ANK3: variants seen among roughly 807,000 people sequenced by gnomAD.
ANK3 encodes ankyrin-3.
In ANK3, 57 loss-of-function variants were observed where a neutral mutation model predicts 370.9. The observed-to-expected ratio is 0.15, with a 90% confidence interval of 0.12 to 0.19. The LOEUF is 0.19. Among genes scored for constraint, ANK3 ranks in the 10% least tolerant of loss-of-function variants. The pLI, the probability that ANK3 is intolerant of heterozygous loss-of-function variation, is 1.00. For missense variants in ANK3, 4,439 were observed against 5,302.1 expected (o/e 0.84, Z 5.06); for synonymous variants, 1,929 against 1,946.3 (o/e 0.99, Z 0.23).
chr10:60,250,790 G>A (rs2097651201), intron 7 of ANK3, among the ~76,000 whole-genome samples: 2 of 152,122 alleles, frequency 1.3e-5, no homozygotes, highest in South Asian at 4.1e-4. Context: ...AATGTCCAGA[G>A]TCCATTTCAA....
intron 1 of ANK3, among the ~76,000 whole-genome samples, chr10:60,678,902 T>A (rs932264567): frequency 2.0e-5 from 3 of 152,188 alleles, no homozygotes; most frequent in Non-Finnish European, 2.9e-5. Context: ...TACCTGGGAA[T>A]AGTCTCAGAT....
chr10:60,714,188 T>G (rs1204390285), intron 1 of ANK3, among the ~76,000 whole-genome samples: 2 of 152,110 alleles, frequency 1.3e-5, no homozygotes, highest in Non-Finnish European at 2.9e-5. Context: ...CTACTAAAGC[T>G]CAAATAAGGA....
intron 7 of ANK3, among the ~76,000 whole-genome samples, chr10:60,245,627 C>T (rs2097541279): frequency 6.6e-6 from 1 of 152,180 alleles, no homozygotes; most frequent in South Asian, 2.1e-4. Flanking sequence ...TGGCTTCTTT[C>T]ACTTAGCATG....
intron 1 of ANK3, among the ~76,000 whole-genome samples, chr10:60,372,639 T>C (rs1295777415): frequency 3.3e-5 from 5 of 152,188 alleles, no homozygotes; most frequent in African/African-American, 1.2e-4. Context: ...AAGCAGAGAC[T>C]GACAAAGCAT....
chr10:60,691,689 C>A (rs2079355629), intron 1 of ANK3, among the ~76,000 whole-genome samples: 1 of 152,220 alleles, frequency 6.6e-6, no homozygotes, highest in Admixed American at 6.5e-5. Context: ...GTCAATTATA[C>A]CTCTTGCATG....
chr10:60,061,871 C>T (rs1181593289), intron 40 of ANK3: 1 of 152,048 alleles, frequency 6.6e-6, no homozygotes, highest in Non-Finnish European at 1.5e-5. Flanking sequence ...AAGTTTGTGA[C>T]TCTTGTTAAT....
intron 32 of ANK3, 163 bp downstream of exon 32, chr10:60,084,439 A>C: frequency 2.6e-6 from 1 of 390,458 alleles, no homozygotes; most frequent in South Asian, 1.1e-4. Flanking sequence ...TTAAATTAAA[A>C]AAGATAAAAA....
Position 60,296,319 on chromosome 10 carries a change from T to C in ANK3, c.115-16680A>G, listed in dbSNP as rs1278572147. ...TGTGACAAATAAGCAACAAATTCCATTGCAAGTGATGCTGCCAAAAAGATA... is the reference window on the plus strand; with the variant it reads ...TGTGACAAATAAGCAACAAATTCCACTGCAAGTGATGCTGCCAAAAAGATA... On this transcript the variant is annotated intron_variant, in intron 1 of 43. Transcript: ENST00000280772. Among the ~76,000 whole-genome samples, 4 of 152,244 alleles carry C rather than the reference T, an allele frequency of 2.6e-5. No individual in the cohort carries two copies. The South Asian group carries it at 6.2e-4, about 24-fold the overall frequency.
At chr10:60,038,727 C>G (rs927834319) in intron 43 of ANK3, among the ~76,000 whole-genome samples, 54 of 152,066 alleles carry the variant, frequency 3.6e-4, no homozygotes, top group African/African-American at 1.3e-3. Flanking sequence ...TTGTGCCTAT[C>G]TTACCTACCA....
chr10:60,490,540 T>C (rs1470718192), intron 2 of ANK3, among the ~76,000 whole-genome samples: 2 of 152,200 alleles, frequency 1.3e-5, no homozygotes, highest in Non-Finnish European at 2.9e-5. Flanking sequence ...CATTTACAGC[T>C]ACACATCCTG....
intron 1 of ANK3, among the ~76,000 whole-genome samples, chr10:60,295,932 T>A (rs2132774708): frequency 1.3e-5 from 2 of 152,276 alleles, no homozygotes; most frequent in South Asian, 4.1e-4. Flanking sequence ...ATTGTTTTGG[T>A]TGAAGTAGGT....
intron 2 of ANK3, chr10:60,572,710 G>T (rs2077628708): frequency 7.2e-7 from 1 of 1,393,530 alleles, no homozygotes; most frequent in East Asian, 2.6e-5. Flanking sequence ...TGCTAATGTA[G>T]CCCTGTTCAG....
intron 1 of ANK3, among the ~76,000 whole-genome samples, chr10:60,731,792 A>G (rs909792030): frequency 2.0e-5 from 3 of 152,102 alleles, no homozygotes; most frequent in Admixed American, 1.3e-4. Context: ...GCCCTGACCT[A>G]CCCTCCTGGA....
chr10:60,720,162 A>G (rs2132023926), intron 1 of ANK3, among the ~76,000 whole-genome samples: 1 of 152,380 alleles, frequency 6.6e-6, no homozygotes, highest in Non-Finnish European at 1.5e-5. Flanking sequence ...GTAGAAATGC[A>G]TATTATTAAC....
chr10:60,566,692 G>A lies in ANK3; in HGVS notation c.96+48494C>T, dbSNP rs575569374. ...ATTAAAGACCCGTGTGGGCAACATT[G>A]TGAGACCTCATCTCCACACACAAAA... On this transcript the variant is annotated intron_variant, in intron 2 of 43. Transcript: ENST00000373827. Among the ~76,000 whole-genome samples the A allele has an allele frequency of 1.5e-4, 23 of 152,246 alleles. No individual in the cohort carries two copies. The South Asian group carries it at 4.8e-3, about 32-fold the overall frequency.
At chr10:60,107,229 G>T (rs2092285577) in intron 27 of ANK3, among the ~76,000 whole-genome samples, 1 of 152,050 alleles carries the variant, frequency 6.6e-6, no homozygotes, top group African/African-American at 2.4e-5. Flanking sequence ...ACAAAATCAA[G>T]TGTTCTTAGC....
chr10:60,715,923 T>C (rs34674675), intron 1 of ANK3, among the ~76,000 whole-genome samples: 102,521 of 149,228 alleles, frequency 0.69, 34,690 homozygotes, highest in South Asian at 0.84. Context: ...AAATATTAAA[T>C]GTGTATGTAC....
chr10:60,227,596 T>C (rs1421540695), intron 8 of ANK3, among the ~76,000 whole-genome samples: 1 of 152,168 alleles, frequency 6.6e-6, no homozygotes, highest in Non-Finnish European at 1.5e-5. Context: ...CATAGCAGTG[T>C]ATTTTATTTT....
At chr10:60,693,700 G>A (rs1246711060) in intron 1 of ANK3, among the ~76,000 whole-genome samples, 2 of 152,176 alleles carry the variant, frequency 1.3e-5, no homozygotes, top group Non-Finnish European at 2.9e-5. Context: ...CTGTCTGTTA[G>A]AAGGAAAACT....
Sources: allele counts gnomAD v4.1 joint callset (sites outside exome capture counted in the v4.1 genomes callset), GRCh38; gene constraint gnomAD v4.1.1; transcripts MANE v1.5; gene names NCBI Gene and HGNC (gene_info 2026-07-23, HGNC 2026-07-21).